ABCB4: variants seen among roughly 807,000 people sequenced by gnomAD.
The protein encoded by ABCB4 is phosphatidylcholine translocator ABCB4.
ABCB4 carries 76 observed loss-of-function variants against 145.7 expected under a neutral mutation model. The observed-to-expected ratio is 0.52, with a 90% confidence interval of 0.43 to 0.63. The LOEUF is 0.63. Among genes scored for constraint, ABCB4 ranks in the 30% least tolerant of loss-of-function variants. The pLI, the probability that ABCB4 is intolerant of heterozygous loss-of-function variation, is 0.00. For missense variants in ABCB4, 1,234 were observed against 1,553.1 expected, an observed-to-expected ratio of 0.79 and a Z score of 3.45; for synonymous variants, 517 against 566.8, an observed-to-expected ratio of 0.91 and a Z score of 1.25.
rs190371712 is a variant in ABCB4, at chr7:87,424,412, T to G, written c.2065-360A>C. Among the ~76,000 whole-genome samples, 59 of 152,296 alleles carry G rather than the reference T, an allele frequency of 3.9e-4. 1 individual carries two copies. The highest frequency in any genetic ancestry group is 1.7e-3 in the Admixed American group (26 of 15,298). On this transcript the variant is annotated intron_variant, in intron 16 of 27. Coordinates refer to ENST00000649586, the MANE Select transcript of ABCB4 (RefSeq NM_000443.4). ...GTGTGACAGTCATGGCTGGACCACA[T>G]AAGCCGAGCTGCAGTTTTCTCATAT...
the ABCB4 span, among the ~76,000 whole-genome samples, chr7:87,394,015 A>G: frequency 1.3e-5 from 2 of 152,240 alleles, no homozygotes; most frequent in African/African-American, 4.8e-5. Flanking sequence ...ACCATAAAAT[A>G]TACACAAATC....
chr7:87,382,641 C>T, the ABCB4 span: 3 of 1,258,806 alleles, frequency 2.4e-6, no homozygotes, highest in Non-Finnish European at 3.3e-6. Context: ...TTTTTGCTCA[C>T]TTTTTTCCCA....
At chr7:87,416,579 A>C (rs1248745205) in intron 21 of ABCB4, among the ~76,000 whole-genome samples, 1 of 152,220 alleles carries the variant, frequency 6.6e-6, no homozygotes, top group East Asian at 1.9e-4. Context: ...TGTAAATAAA[A>C]TGTTTATGTG....
In ABCB4 at chr7:87,439,631, A is replaced by G. The variant is rs754150031; in HGVS notation, c.1731+36T>C. 1.2e-5 allele frequency: 19 copies of G among 1,613,082 alleles called. No individual in the cohort carries two copies. In the Admixed American group the frequency reaches 2.2e-4, roughly 18 times the overall value. On this transcript the variant is annotated intron_variant, in intron 14 of 27. Transcript: ENST00000649586. ...TGGCAAGAATCTTCAATAGGTTTCA[A>G]TGTGGTGGTCCTTCAGCTTTTTAGA...
intron 3 of ABCB4, among the ~76,000 whole-genome samples, chr7:87,470,208 A>G (rs1194074664): frequency 6.6e-6 from 1 of 152,252 alleles, no homozygotes; most frequent in Non-Finnish European, 1.5e-5. Flanking sequence ...CACCTTATAC[A>G]AACATTAATT....
chr7:87,475,016 C>T (rs1343386072), intron 2 of ABCB4, among the ~76,000 whole-genome samples: 1 of 152,216 alleles, frequency 6.6e-6, no homozygotes, highest in Non-Finnish European at 1.5e-5. Context: ...AGATGTCTGA[C>T]ACCCTTTAAG....
chr7:87,454,349 G>T (rs1811967905), intron 5 of ABCB4, among the ~76,000 whole-genome samples, 186 bp downstream of exon 5: 1 of 152,162 alleles, frequency 6.6e-6, no homozygotes, highest in Admixed American at 6.5e-5. Flanking sequence ...TTATTCTTAG[G>T]AGTCATACTG....
chr7:87,471,113 G>T (rs912067363), intron 3 of ABCB4, among the ~76,000 whole-genome samples: 1 of 151,814 alleles, frequency 6.6e-6, no homozygotes. Context: ...ACTATCGCAA[G>T]GACAAAAAAC....
chr7:87,423,969 T>C lies in ABCB4; in HGVS notation c.2148A>G (p.Val716=), dbSNP rs1302582979. 1 of 1,614,112 alleles carries C rather than the reference T, an allele frequency of 6.2e-7. No homozygotes were observed. Among genetic ancestry groups the C allele is most frequent in the Admixed American group, 1.7e-5 (1 of 60,026 alleles). ...GAAGCCCCCCATTGGCAATGGCACA[T>C]ACTGTTCCCACGACAAAGTAGGGCC... ...TEWPYFVVGT[V]CAIANGGLQP... Residue 716 remains valine, a synonymous_variant, in exon 17 of 28, where the codon GTA becomes GTG. Transcript: ENST00000649586.
intron 16 of ABCB4, among the ~76,000 whole-genome samples, chr7:87,425,632 C>A (rs1562964176): frequency 1.3e-5 from 2 of 152,066 alleles, no homozygotes; most frequent in South Asian, 2.1e-4. Context: ...ATAAGGAAAT[C>A]TTTTTTTGGA....
At chr7:87,475,552 G>A in intron 1 of ABCB4, 81 bp from the exon 2 acceptor site, 3 of 1,419,628 alleles carry the variant, frequency 2.1e-6, no homozygotes, top group Non-Finnish European at 2.9e-6. Flanking sequence ...CGGGGGCACT[G>A]GGTGGAGGTC....
At chr7:87,443,253 A>G (rs894623622) in intron 12 of ABCB4, 66 bp downstream of exon 12, 1 of 1,609,370 alleles carries the variant, frequency 6.2e-7, no homozygotes, top group Non-Finnish European at 8.5e-7. Flanking sequence ...TTACTGAAAA[A>G]CCAATTTCAA....
chr7:87,442,403 T>C (rs1255715660), intron 12 of ABCB4, among the ~76,000 whole-genome samples: 1 of 152,208 alleles, frequency 6.6e-6, no homozygotes, highest in East Asian at 1.9e-4. Context: ...TTTTACTTTT[T>C]ACCTTATAAT....
the ABCB4 span, among the ~76,000 whole-genome samples, chr7:87,385,193 T>C: frequency 6.6e-6 from 1 of 152,056 alleles, no homozygotes; most frequent in African/African-American, 2.4e-5. Flanking sequence ...TGTGGTTCCA[T>C]ATGAATTTTT....
rs1421998248 is a variant in ABCB4, at chr7:87,417,421, A to G, written c.2573T>C (p.Leu858Pro). ...AATTGGAACAACTGCTAATAGCAAT[A>G]GGGTTAACTGCCAACCGTAGATAAA... ...ISFIYGWQLT[L>P]LLLAVVPIIA... Residue 858 changes from leucine to proline, a missense_variant, in exon 21 of 28, where the codon CTA (leucine) becomes CCA (proline). Around this residue, in one of 7 missense-constraint regions of ABCB4, gnomAD observed 321 missense variants for 332.6 expected, o/e 0.97. Coordinates refer to ENST00000649586, the MANE Select transcript of ABCB4 (RefSeq NM_000443.4). 4.3e-6 allele frequency: 7 copies of G among 1,614,054 alleles called. No homozygotes were observed. Among genetic ancestry groups the G allele is most frequent in the South Asian group, 3.3e-5 (3 of 91,084 alleles).
chr7:87,395,765 A>AC, the ABCB4 span, among the ~76,000 whole-genome samples: 1 of 152,086 alleles, frequency 6.6e-6, no homozygotes, highest in Non-Finnish European at 1.5e-5. Context: ...CATGATTTAA[A>AC]CACCCAAGGT....
At chr7:87,371,275 G>A in the ABCB4 span, among the ~76,000 whole-genome samples, 158 of 152,260 alleles carry the variant, frequency 1.0e-3, no homozygotes, top group African/African-American at 3.7e-3. Flanking sequence ...GCATGGGGTA[G>A]TTGCACATTT....
At chr7:87,454,262 A>G (rs1052153722) in intron 5 of ABCB4, among the ~76,000 whole-genome samples, 4 of 152,220 alleles carry the variant, frequency 2.6e-5, no homozygotes, top group Admixed American at 2.6e-4. Flanking sequence ...AAATTGGAAT[A>G]TAGATGTTAT....
At chr7:87,422,254 T>G in intron 17 of ABCB4, 29 bp from the exon 18 acceptor site, 2 of 1,523,404 alleles carry the variant, frequency 1.3e-6, no homozygotes, top group Non-Finnish European at 1.8e-6. Context: ...AACGCCCACT[T>G]GGATTACATA....
Sources: gnomAD v4.1 joint callset for allele counts (sites outside exome capture counted in the v4.1 genomes callset) on GRCh38, gnomAD v4.1.1 for gene constraint, gnomAD v4.1.1 regional missense constraint, MANE v1.5 for transcripts, NCBI Gene and HGNC (gene_info 2026-07-23, HGNC 2026-07-21) for gene names.